Variants in C15orf40 observed in about 807,000 individuals in gnomAD.
C15orf40 encodes chromosome 15 open reading frame 40, also known as UPF0235 protein C15orf40.
A neutral mutation model predicts 13.9 loss-of-function variants in C15orf40; 9 were observed. The ratio of observed to expected loss-of-function variants is 0.65; its 90% CI spans 0.39 to 1.13. The LOEUF (loss-of-function observed/expected upper bound fraction) is 1.13, where lower values mean the gene tolerates loss of function less well. Among genes scored for constraint, C15orf40 ranks in the 50% most tolerant of loss-of-function variants. The pLI is 0.01. For synonymous variants in C15orf40, 95 were observed against 69.2 expected (o/e 1.37, Z -1.85); for missense variants, 225 against 188.5 (o/e 1.19, Z -1.13).
chr15:83,002,097 T>TG lies in C15orf40; in HGVS notation c.*3499dup, dbSNP rs1223960413. 1 of 152,136 alleles carries TG rather than the reference T, an allele frequency of 6.6e-6. No individual in the cohort carries two copies. Among genetic ancestry groups the TG allele is most frequent in the Non-Finnish European group, 1.5e-5 (1 of 68,082 alleles). 9.4% of individuals were successfully genotyped at this position (152,136 alleles called of 1,614,324 possible). The stretch of plus-strand genomic sequence containing the variant: ...TAATTTTTGTAATTTTTAGTAGAGG[T>TG]GGGGTTTCACCATGGTGGCCAGGCT... On this transcript the variant is annotated 3_prime_UTR_variant, in exon 4 of 4. Transcript: ENST00000304177.
downstream of C15orf40, among the ~76,000 whole-genome samples, chr15:82,992,603 T>A (rs2030908935): frequency 6.6e-6 from 1 of 152,198 alleles, no homozygotes; most frequent in Non-Finnish European, 1.5e-5. Flanking sequence ...ACTGTAGCTT[T>A]AGGTCAGGAT....
At chr15:82,991,940 G>A, downstream of C15orf40, 1 of 1,288,144 alleles carries the variant, frequency 7.8e-7, no homozygotes, top group Non-Finnish European at 1.0e-6. Flanking sequence ...ACCTGGTTGG[G>A]TATGGTGGCT....
At chr15:83,010,595 C>A in intron 1 of C15orf40, 1 of 475,050 alleles carries the variant, frequency 2.1e-6, no homozygotes, top group Non-Finnish European at 3.8e-6. Flanking sequence ...TGCAAGAAAA[C>A]CTAACTCTGG....
intron 3 of C15orf40, among the ~76,000 whole-genome samples, chr15:83,007,445 G>C (rs1234411193): frequency 6.6e-6 from 1 of 152,178 alleles, no homozygotes; most frequent in East Asian, 1.9e-4. Context: ...GTCTCAGTAA[G>C]GATTAAGGCA....
Position 83,005,184 on chromosome 15 carries a change from T to C in C15orf40, c.*413A>G, listed in dbSNP as rs775756845. ...GGAGTCTTATTCGAATATATACATA[T>C]ATATATGTCCCCCATGTTCTTCTGT... On this transcript the variant is annotated 3_prime_UTR_variant, in exon 4 of 4. Transcript: ENST00000304177. The C allele has an allele frequency of 9.6e-7, 1 of 1,041,166 alleles. No individual in the cohort carries two copies. Among genetic ancestry groups the C allele is most frequent in the Non-Finnish European group, 1.2e-6 (1 of 861,588 alleles). The allele number at this position is 1,041,166 out of a possible 1,614,324, so 64.5% of individuals were successfully genotyped here. A position where few individuals can be genotyped will look rare whatever the true frequency, so the allele number is the denominator to read the frequency against.
chr15:83,010,878 G>C (rs1242805848), intron 1 of C15orf40: 1 of 156,142 alleles, frequency 6.4e-6, no homozygotes. Flanking sequence ...CATGGTCCTT[G>C]CTCTCAAGGA....
In C15orf40 at chr15:82,996,790, G is replaced by A. The variant is rs2031101678; in HGVS notation, c.*8807C>T. On this transcript the variant is annotated 3_prime_UTR_variant, in exon 4 of 4. Coordinates refer to ENST00000304177, the MANE Select transcript of C15orf40 (RefSeq NM_144597.3). ...GGAGGCCAAGGCGGATGGATCGCCT[G>A]AGGTCAGGAGTCTGAGACCAGCCTG... 1 of 151,670 alleles carries A rather than the reference G, an allele frequency of 6.6e-6. No homozygotes were observed. The highest frequency in any genetic ancestry group is 2.4e-5 in the African/African-American group (1 of 41,388). 9.4% of individuals were successfully genotyped at this position (151,670 alleles called of 1,614,324 possible).
Position 82,994,874 on chromosome 15 carries a change from T to C in C15orf40, c.*10723A>G, listed in dbSNP as rs1355326965. 2.6e-5 allele frequency: 4 copies of C among 152,202 alleles called. No individual in the cohort carries two copies. The highest frequency in any genetic ancestry group is 4.4e-5 in the Non-Finnish European group (3 of 68,038). 9.4% of individuals were successfully genotyped at this position (152,202 alleles called of 1,614,324 possible). On this transcript the variant is annotated 3_prime_UTR_variant, in exon 4 of 4. Transcript: ENST00000304177. Reference sequence around the variant, plus strand: ...ACAGAAAGATATGCTTTTAAAACTCTCAAATTTTAAAATTGATTTAAGCCC... The same window carrying C: ...ACAGAAAGATATGCTTTTAAAACTCCCAAATTTTAAAATTGATTTAAGCCC...
chr15:83,001,023 G>A lies in C15orf40; in HGVS notation c.*4574C>T. 1 of 682,372 alleles carries A rather than the reference G, an allele frequency of 1.5e-6. No homozygotes were observed. Among genetic ancestry groups the A allele is most frequent in the Non-Finnish European group, 1.8e-6 (1 of 553,388 alleles). 42.3% of individuals were successfully genotyped at this position (682,372 alleles called of 1,614,324 possible). ...AAACAGGGTTTCGCCATATTGGTCA[G>A]GCTGGTCTTAAACTCCTGACTTCAA... On this transcript the variant is annotated 3_prime_UTR_variant, in exon 4 of 4. Transcript: ENST00000304177.
At chr15:83,010,432 A>G in intron 1 of C15orf40, 69 bp from the exon 2 acceptor site, 1 of 1,578,874 alleles carries the variant, frequency 6.3e-7, no homozygotes, top group Non-Finnish European at 8.7e-7. Flanking sequence ...TGATTCTTCC[A>G]CTACCCCCTT....
chr15:83,011,532 C>A lies in C15orf40; in HGVS notation c.76G>T (p.Ala26Ser), dbSNP rs1170966800. Residue 26 changes from alanine to serine, a missense_variant, in exon 1 of 4, where the codon GCC (alanine) becomes TCC (serine). Transcript: ENST00000304177. ...NTRGSARLLC[A>S]EMPKKAGATT... ...GCACCAGCCTTCTTAGGCATCTCGG[C>A]GCAAAGAAGCCGAGCGGAGCCCCGA... is the stretch of plus-strand genomic sequence containing the variant. The A allele has an allele frequency of 6.2e-7, 1 of 1,607,270 alleles. No homozygotes were observed. Among genetic ancestry groups the A allele is most frequent in the Non-Finnish European group, 8.5e-7 (1 of 1,178,332 alleles).
At position 83,002,036 on chromosome 15, in the gene C15orf40, T is replaced by G. The variant is rs1380408118; in HGVS notation, c.*3561A>C. On this transcript the variant is annotated 3_prime_UTR_variant, in exon 4 of 4. Coordinates refer to ENST00000304177, the MANE Select transcript of C15orf40 (RefSeq NM_144597.3). ...AATTCTCCTGCTTCAGCCTCCCAAGTAGCTGAGATTACAGTCATGTACCAC... is the reference window on the plus strand; with the variant it reads ...AATTCTCCTGCTTCAGCCTCCCAAGGAGCTGAGATTACAGTCATGTACCAC... 6.6e-6 allele frequency: 1 copy of G among 152,296 alleles called. No individual in the cohort carries two copies. The highest frequency in any genetic ancestry group is 1.9e-4 in the East Asian group (1 of 5,200). The allele number at this position is 152,296 out of a possible 1,614,324, so 9.4% of individuals were successfully genotyped here. A position where few individuals can be genotyped will look rare whatever the true frequency, so the allele number is the denominator to read the frequency against.
chr15:83,008,793 G>T, intron 2 of C15orf40, 118 bp from the exon 3 acceptor site: 1 of 1,143,610 alleles, frequency 8.7e-7, no homozygotes, highest in Non-Finnish European at 1.2e-6. Flanking sequence ...ATTAAAAACT[G>T]TTGAATGAAG....
At position 83,003,309 on chromosome 15, in the gene C15orf40, T is replaced by C. The variant is rs1440591711; in HGVS notation, c.*2288A>G. The C allele has an allele frequency of 1.3e-5, 2 of 152,012 alleles. No individual in the cohort carries two copies. The highest frequency in any genetic ancestry group is 4.8e-5 in the African/African-American group (2 of 41,350). 9.4% of individuals were successfully genotyped at this position (152,012 alleles called of 1,614,324 possible). The stretch of plus-strand genomic sequence containing the variant: ...CCCAGCTAATTTTTTGTATTTTTAG[T>C]AGAGATGGGGTTTCTCCATGTTGGT... On this transcript the variant is annotated 3_prime_UTR_variant, in exon 4 of 4. Transcript: ENST00000304177.
intron 3 of C15orf40, among the ~76,000 whole-genome samples, chr15:83,006,714 C>G (rs1418118702): frequency 1.3e-5 from 2 of 152,090 alleles, no homozygotes; most frequent in Non-Finnish European, 2.9e-5. Context: ...TGCAGTGAGC[C>G]GAGATTGCGC....
rs1028485882 is a variant in C15orf40, at chr15:83,011,599, C to A, written c.9G>T (p.Arg3=). ML[R]LRSGLRHLRA... is the part of the protein sequence containing the mutation. Reference sequence around the variant, plus strand: ...GAAGGTGCCTCAGCCCGCTGCGGAGCCGCAGCATCCCCGCCTGGGAAGGCG... The same window carrying A: ...GAAGGTGCCTCAGCCCGCTGCGGAGACGCAGCATCCCCGCCTGGGAAGGCG... The change falls in exon 1 of 4, where the codon CGG becomes CGT. Residue 3 remains arginine, a synonymous_variant. Coordinates refer to ENST00000304177, the MANE Select transcript of C15orf40 (RefSeq NM_144597.3). The A allele has an allele frequency of 6.3e-7, 1 of 1,583,584 alleles. No homozygotes were observed. Among genetic ancestry groups the A allele is most frequent in the East Asian group, 2.3e-5 (1 of 43,484 alleles).
chr15:82,999,030 C>G lies in C15orf40; in HGVS notation c.*6567G>C, dbSNP rs1009939745. The G allele has an allele frequency of 2.5e-5, 4 of 157,898 alleles. No homozygotes were observed. Among genetic ancestry groups the G allele is most frequent in the African/African-American group, 1.0e-4 (4 of 39,788 alleles). The allele number at this position is 157,898 out of a possible 1,614,324, so 9.8% of individuals were successfully genotyped here. On this transcript the variant is annotated 3_prime_UTR_variant, in exon 4 of 4. Coordinates refer to ENST00000304177, the MANE Select transcript of C15orf40 (RefSeq NM_144597.3). ...CCAAAACCAGTCAGGCGTGGCGGCG[C>G]GCGCCTGCAATCACAGGCACTGGGC...
At chr15:83,010,943 A>C (rs752947810) in intron 1 of C15orf40, 15 of 156,106 alleles carry the variant, frequency 9.6e-5, no homozygotes, top group Non-Finnish European at 2.0e-4. Flanking sequence ...CACTGTGCTA[A>C]GTGCACCGAT....
Position 82,996,947 on chromosome 15 carries a change from G to A in C15orf40, c.*8650C>T, listed in dbSNP as rs1279198912. Reference sequence around the variant, plus strand: ...GCAGGAGAATCGCTTGAACCTGGGAGGCGGAGGTTGCAGTGAGCCAAGATT... The same window carrying A: ...GCAGGAGAATCGCTTGAACCTGGGAAGCGGAGGTTGCAGTGAGCCAAGATT... On this transcript the variant is annotated 3_prime_UTR_variant, in exon 4 of 4. Coordinates refer to ENST00000304177, the MANE Select transcript of C15orf40 (RefSeq NM_144597.3). The A allele has an allele frequency of 6.6e-6, 1 of 150,472 alleles. No individual in the cohort carries two copies. The highest frequency in any genetic ancestry group is 1.5e-5 in the Non-Finnish European group (1 of 67,800). 9.3% of individuals were successfully genotyped at this position (150,472 alleles called of 1,614,324 possible).
Sources: allele counts gnomAD v4.1 joint callset (sites outside exome capture counted in the v4.1 genomes callset), GRCh38; gene constraint gnomAD v4.1.1; transcripts MANE v1.5; gene names NCBI Gene and HGNC (gene_info 2026-07-23, HGNC 2026-07-21).